ZYG11B: variants seen among roughly 807,000 people sequenced by gnomAD.
ZYG11B encodes protein zyg-11 homolog B.
Under a neutral mutation model 82.4 loss-of-function variants are expected in ZYG11B, and 36 were observed. The observed-to-expected ratio is 0.44, with a 90% CI of 0.33 to 0.58. The LOEUF (loss-of-function observed/expected upper bound fraction) is 0.58. ZYG11B is among the 20% of genes least tolerant of loss of function. The pLI, the probability that ZYG11B is intolerant of heterozygous loss-of-function variation, is 0.02. For missense variants in ZYG11B, 552 were observed against 895.6 expected, an observed-to-expected ratio of 0.62 and a Z score of 4.90; for synonymous variants, 303 against 312.8, an observed-to-expected ratio of 0.97 and a Z score of 0.33.
chr1:52,783,882 A>AGGTACATACACGTGTGTGTG (rs1553260823), intron 4 of ZYG11B, among the ~76,000 whole-genome samples: 1 of 126,012 alleles, frequency 7.9e-6, no homozygotes. Flanking sequence ...ACGTGTGTGT[A>AGGTACATACACGTGTGTGTG]TATGTACATA....
chr1:52,780,375 T>TA (rs1644845646), intron 4 of ZYG11B, among the ~76,000 whole-genome samples: 1 of 152,022 alleles, frequency 6.6e-6, no homozygotes, highest in Non-Finnish European at 1.5e-5. Context: ...TTGCACCAAA[T>TA]ATGGTAGTTC....
intron 10 of ZYG11B, among the ~76,000 whole-genome samples, chr1:52,811,616 A>G (rs1470944337): frequency 1.3e-5 from 2 of 151,668 alleles, no homozygotes; most frequent in Admixed American, 6.6e-5. Context: ...GATGCTTTTT[A>G]TTTCTCTGTT....
chr1:52,783,985 C>CAT (rs1553260890), intron 4 of ZYG11B, among the ~76,000 whole-genome samples: 13 of 146,156 alleles, frequency 8.9e-5, no homozygotes, highest in South Asian at 4.5e-4. Flanking sequence ...CACACACACA[C>CAT]ATATATATAT....
intron 2 of ZYG11B, among the ~76,000 whole-genome samples, chr1:52,758,812 A>G (rs1408560590): frequency 6.6e-6 from 1 of 152,100 alleles, no homozygotes; most frequent in African/African-American, 2.4e-5. Flanking sequence ...ACTAGGGTAA[A>G]TTTCTGTATT....
chr1:52,811,175 A>G (rs575403026), intron 10 of ZYG11B, among the ~76,000 whole-genome samples: 1 of 151,390 alleles, frequency 6.6e-6, no homozygotes, highest in Admixed American at 6.6e-5. Flanking sequence ...AAAGTTTTTT[A>G]TTTTGCTTTG....
chr1:52,798,843 A>G (rs913899652), intron 8 of ZYG11B, among the ~76,000 whole-genome samples: 1 of 152,208 alleles, frequency 6.6e-6, no homozygotes, highest in African/African-American at 2.4e-5. Flanking sequence ...ACTTAGAGGC[A>G]AAAAGTATAT....
At chr1:52,755,653 C>T (rs947821702) in intron 1 of ZYG11B, among the ~76,000 whole-genome samples, 3 of 152,136 alleles carry the variant, frequency 2.0e-5, no homozygotes, top group Admixed American at 1.3e-4. Context: ...AGGCATGTGC[C>T]GCCACACCTG....
At chr1:52,772,654 C>T (rs563699897) in intron 3 of ZYG11B, 33 of 825,498 alleles carry the variant, frequency 4.0e-5, no homozygotes, top group African/African-American at 1.0e-4. Flanking sequence ...CCCATGATGG[C>T]GGCGATCAGG....
At chr1:52,731,583 T>C (rs1398061132) in intron 1 of ZYG11B, among the ~76,000 whole-genome samples, 1 of 152,088 alleles carries the variant, frequency 6.6e-6, no homozygotes, top group Non-Finnish European at 1.5e-5. Context: ...TCCTAAGGGC[T>C]AGGTGATGTT....
intron 13 of ZYG11B, among the ~76,000 whole-genome samples, chr1:52,820,833 G>A (rs1645277021): frequency 1.3e-5 from 2 of 151,914 alleles, no homozygotes; most frequent in South Asian, 4.2e-4. Context: ...TGGCATTATG[G>A]CTCATGCCTG....
intron 13 of ZYG11B, among the ~76,000 whole-genome samples, chr1:52,817,732 G>C (rs1293216314): frequency 8.8e-6 from 1 of 113,956 alleles, no homozygotes; most frequent in African/African-American, 3.1e-5. Context: ...TTTGACACAA[G>C]AAATACACAG....
rs1366720826 is a variant in ZYG11B, at chr1:52,771,333, G to C, written c.510G>C (p.Thr170=). 6.2e-7 allele frequency: 1 copy of C among 1,614,052 alleles called. No homozygotes were observed. Among genetic ancestry groups the C allele is most frequent in the African/African-American group, 1.3e-5 (1 of 74,920 alleles). ...CTGGCCTTCGAGCTTTAAGCATCACGAATGTTCTCTTTTACAATGAAGACC... is the reference window on the plus strand; with the variant it reads ...CTGGCCTTCGAGCTTTAAGCATCACCAATGTTCTCTTTTACAATGAAGACC... ...RLSGLRALSI[T]NVLFYNEDLA... is the part of the protein sequence containing the mutation. The change falls in exon 3 of 14, where the codon ACG becomes ACC. Residue 170 remains threonine (T), a synonymous_variant. Coordinates refer to ENST00000294353, the MANE Select transcript of ZYG11B (RefSeq NM_024646.3). This position sits in a 1 kb window ranked among gnomAD's most constrained non-coding sequence, Gnocchi z 5.4.
Position 52,772,189 on chromosome 1 carries a change from C to T in ZYG11B, c.951+415C>T. The T allele has an allele frequency of 2.0e-6, 3 of 1,468,070 alleles. No homozygotes were observed. The South Asian group carries it at 3.4e-5, about 17-fold the overall frequency. 90.9% of individuals were successfully genotyped at this position (1,468,070 alleles called of 1,614,324 possible). ...TCATTTTATTGCTTGAGTACACAGACAAATTTATGCGACCAGGGCAGAGGC... is the reference window on the plus strand; with the variant it reads ...TCATTTTATTGCTTGAGTACACAGATAAATTTATGCGACCAGGGCAGAGGC... On this transcript the variant is annotated intron_variant, in intron 3 of 13. Transcript: ENST00000294353.
At chr1:52,766,118 A>T (rs201218015) in intron 2 of ZYG11B, among the ~76,000 whole-genome samples, 27 of 137,034 alleles carry the variant, frequency 2.0e-4, no homozygotes, top group African/African-American at 5.3e-4. Flanking sequence ...AATTTTTTTT[A>T]AATTTTTTTT....
intron 7 of ZYG11B, 146 bp from the exon 8 acceptor site, chr1:52,796,588 G>T: frequency 1.2e-6 from 1 of 829,488 alleles, no homozygotes; most frequent in Non-Finnish European, 1.8e-6. Flanking sequence ...GGGAGGCCGA[G>T]GCAGGCCTCC....
rs1340053403 is a variant in ZYG11B at position 52,821,595 on chromosome 1, C to T, written c.2201C>T (p.Pro734Leu). 2 of 1,613,388 alleles carry T rather than the reference C, an allele frequency of 1.2e-6. No homozygotes were observed. Among genetic ancestry groups the T allele is most frequent in the African/African-American group, 2.7e-5 (2 of 74,840 alleles). Residue 734 changes from proline (P) to leucine (L), a missense_variant, in exon 14 of 14, where the codon CCC becomes CTC. Around this residue, in one of 3 missense-constraint regions of ZYG11B, gnomAD observed 127 missense variants for 163.4 expected, o/e 0.78. Coordinates refer to ENST00000294353, the MANE Select transcript of ZYG11B (RefSeq NM_024646.3). ...ATTGTGCGCCATGGGAGGCCACCTCCCTGTAAAAAACAGCCCCAAGCCAGA... is the reference window on the plus strand; with the variant it reads ...ATTGTGCGCCATGGGAGGCCACCTCTCTGTAAAAAACAGCCCCAAGCCAGA... ...KHIVRHGRPP[P>L]CKKQPQARLN
intron 3 of ZYG11B, among the ~76,000 whole-genome samples, chr1:52,778,776 A>C (rs763035407): frequency 6.6e-6 from 1 of 152,228 alleles, no homozygotes; most frequent in Non-Finnish European, 1.5e-5. Flanking sequence ...TAAGCGTATT[A>C]TCTTAAAATA....
At chr1:52,812,154 C>T (rs1645189253) in intron 10 of ZYG11B, among the ~76,000 whole-genome samples, 1 of 151,616 alleles carries the variant, frequency 6.6e-6, no homozygotes, top group South Asian at 2.1e-4. Context: ...ATTCTATTAT[C>T]TCTGTTATTT....
intron 4 of ZYG11B, among the ~76,000 whole-genome samples, chr1:52,783,617 T>C (rs571946607): frequency 6.7e-6 from 1 of 149,638 alleles, no homozygotes; most frequent in Non-Finnish European, 1.5e-5. Context: ...TTTCTTTTTT[T>C]TTTTTTTTTT....
Sources: gnomAD v4.1 joint callset for allele counts (sites outside exome capture counted in the v4.1 genomes callset) on GRCh38, gnomAD v4.1.1 for gene constraint, gnomAD v4.1.1 regional missense constraint, Gnocchi (gnomAD v3.1) non-coding constraint, MANE v1.5 for transcripts, NCBI Gene and HGNC (gene_info 2026-07-23, HGNC 2026-07-21) for gene names.